The following WFDC3 variants were observed in gnomAD, a reference collection of about 807,000 sequenced individuals.
The protein encoded by WFDC3 is WAP four-disulfide core domain protein 3.
A neutral mutation model predicts 25.8 loss-of-function variants in WFDC3; 15 were observed. That is an observed-to-expected ratio of 0.58 (90% CI 0.39 to 0.89). WFDC3 has a LOEUF of 0.89. WFDC3 is among the 40% of genes least tolerant of loss of function. The probability of loss-of-function intolerance (pLI) is 0.00; values close to 1 mark genes in which losing one functional copy is unlikely to be tolerated. For synonymous variants in WFDC3, 103 were observed against 107.1 expected, an observed-to-expected ratio of 0.96 and a Z score of 0.24; for missense variants, 264 against 289.8, an observed-to-expected ratio of 0.91 and a Z score of 0.65.
In WFDC3 at chr20:45,789,018, C is replaced by A; in HGVS notation, c.124G>T (p.Glu42Ter). ...CACAATTCATCACCCTGGCACAGCTCTTTGCATGGGTTCTTATGGGGAGGG... is the reference window on the plus strand; with the variant it reads ...CACAATTCATCACCCTGGCACAGCTATTTGCATGGGTTCTTATGGGGAGGG... ...ECPPHKNPCKELCQGDELCPA... is the reference protein window; with the variant it reads ...ECPPHKNPCK Residue 42 changes from glutamate to a stop codon, truncating the protein, a stop_gained, in exon 3 of 7, where the codon GAG becomes TAG. Coordinates refer to ENST00000243938, the MANE Select transcript of WFDC3 (RefSeq NM_080614.2). LOFTEE classifies it high-confidence loss of function. 6.2e-7 allele frequency: 1 copy of A among 1,613,736 alleles called. No individual in the cohort carries two copies. Among genetic ancestry groups the A allele is most frequent in the Non-Finnish European group, 8.5e-7 (1 of 1,179,934 alleles).
chr20:45,778,774 T>C (rs1980306645), intron 4 of WFDC3: 2 of 151,944 alleles, frequency 1.3e-5, no homozygotes, highest in South Asian at 4.1e-4. Context: ...ACAACATGCA[T>C]ATGGTTCAAG....
chr20:45,775,384 C>T, intron 6 of WFDC3, 33 bp downstream of exon 6: 1 of 1,605,292 alleles, frequency 6.2e-7, no homozygotes, highest in Non-Finnish European at 8.5e-7. Flanking sequence ...TAGCAGTTGT[C>T]TGTTATTGTT....
At chr20:45,790,380 T>C (rs553474730) in intron 1 of WFDC3, among the ~76,000 whole-genome samples, 1 of 152,324 alleles carries the variant, frequency 6.6e-6, no homozygotes, top group South Asian at 2.1e-4. Context: ...CACTACTTAA[T>C]GGCCAAAGCT....
At chr20:45,777,249 T>C in intron 4 of WFDC3, 40 bp from the exon 5 acceptor site, 1 of 1,440,330 alleles carries the variant, frequency 6.9e-7, no homozygotes, top group Non-Finnish European at 9.1e-7. Flanking sequence ...ACGCTCACAA[T>C]ATGAAACACA....
intron 5 of WFDC3, among the ~76,000 whole-genome samples, chr20:45,776,342 T>A (rs1348372828): frequency 8.4e-6 from 1 of 119,668 alleles, no homozygotes; most frequent in Non-Finnish European, 1.8e-5. Flanking sequence ...GCGTGGTGGC[T>A]CACGCCTGTA....
intron 4 of WFDC3, among the ~76,000 whole-genome samples, chr20:45,783,459 T>C (rs954291762): frequency 1.3e-5 from 2 of 151,830 alleles, no homozygotes; most frequent in Admixed American, 6.6e-5. Flanking sequence ...GCCTGGGTGA[T>C]AGAGTGAGAC....
At chr20:45,782,580 G>C (rs969685998) in intron 4 of WFDC3, among the ~76,000 whole-genome samples, 1 of 152,048 alleles carries the variant, frequency 6.6e-6, no homozygotes, top group Non-Finnish European at 1.5e-5. Context: ...GTTTCACCAT[G>C]TTGGCCAGGC....
At chr20:45,777,863 C>T (rs1030523224) in intron 4 of WFDC3, among the ~76,000 whole-genome samples, 16 of 125,860 alleles carry the variant, frequency 1.3e-4, no homozygotes, top group African/African-American at 4.6e-4. Context: ...TTCCTAATTA[C>T]TAAATTGCTT....
intron 2 of WFDC3, among the ~76,000 whole-genome samples, chr20:45,789,669 T>C (rs1050065026): frequency 2.0e-5 from 3 of 152,154 alleles, no homozygotes; most frequent in Admixed American, 6.6e-5. Context: ...CTAGAACCTC[T>C]AGTAAGCCCA....
Position 45,774,942 on chromosome 20 carries a change from C to CA in WFDC3, c.679+474dup, listed in dbSNP as rs3080049. On this transcript the variant is annotated intron_variant, in intron 6 of 6. Transcript: ENST00000243938. ...GGGTGACAAGAGTGAAACTCCATCT[C>CA]AAAAAAAAAAAAAAAAAAACTGGAG... Among the ~76,000 whole-genome samples the CA allele has an allele frequency of 3.4e-3, 397 of 118,138 alleles. 5 individuals carry two copies. The highest frequency in any genetic ancestry group is 0.01 in the African/African-American group (317 of 30,742). 77.5% of individuals were successfully genotyped at this position (118,138 alleles called of 152,430 possible). A position where few individuals can be genotyped will look rare whatever the true frequency, so the allele number is the denominator to read the frequency against.
intron 4 of WFDC3, chr20:45,779,839 A>C (rs1026531613): frequency 1.3e-5 from 2 of 152,102 alleles, no homozygotes; most frequent in Non-Finnish European, 2.9e-5. Context: ...GGCATGGAGC[A>C]CTTACCTCTA....
rs531941277 is a variant in WFDC3, at chr20:45,774,285, C to G, written c.*143G>C. 1.8e-6 allele frequency: 2 copies of G among 1,138,414 alleles called. No individual in the cohort carries two copies. Among genetic ancestry groups the G allele is most frequent in the African/African-American group, 3.1e-5 (2 of 65,174 alleles). The allele number at this position is 1,138,414 out of a possible 1,614,324, so 70.5% of individuals were successfully genotyped here. ...CCAATCCAGGGCTATTTCCCATGCT[C>G]TGGTCAGCGGCAGGAGGAGAAGCAG... is the stretch of plus-strand genomic sequence containing the variant. On this transcript the variant is annotated 3_prime_UTR_variant, in exon 7 of 7. Transcript: ENST00000243938.
intron 4 of WFDC3, 120 bp from the exon 5 acceptor site, chr20:45,777,329 TTATGTG>T: frequency 9.2e-7 from 1 of 1,084,018 alleles, no homozygotes; most frequent in Non-Finnish European, 1.2e-6. Context: ...ATGTAAATAT[TTATGTG>T]TATCATGTAT....
At chr20:45,787,722 T>TC (rs1191873510) in intron 4 of WFDC3, 114 bp downstream of exon 4, 28 of 1,373,228 alleles carry the variant, frequency 2.0e-5, no homozygotes, top group Non-Finnish European at 2.4e-5. Context: ...ATCTTTTTTT[T>TC]TTAAGGTCTT....
intron 4 of WFDC3, chr20:45,779,823 A>G (rs1980358454): frequency 6.6e-6 from 1 of 152,172 alleles, no homozygotes; most frequent in African/African-American, 2.4e-5. Context: ...CTCGTCCTCA[A>G]GACCAGGCAT....
intron 4 of WFDC3, among the ~76,000 whole-genome samples, chr20:45,786,499 T>C (rs892142486): frequency 1.3e-5 from 2 of 152,254 alleles, no homozygotes; most frequent in African/African-American, 4.8e-5. Context: ...TATATTTATT[T>C]ACATGCTTAT....
At position 45,777,138 on chromosome 20, in the gene WFDC3, G is replaced by A. The variant is rs1317819264; in HGVS notation, c.430C>T (p.Pro144Ser). ...GTGCTGCAGCATTTATGCCCCTGGG[G>A]ACAGGATGCATCCCCATCACACAGC... Reference protein sequence around the residue: ...EELCDGDASCPQGHKCCSTGC... With the variant: ...EELCDGDASCSQGHKCCSTGC... The change falls in exon 5 of 7, where the codon CCC (proline) becomes TCC (serine). Residue 144 changes from proline (P) to serine (S), a missense_variant. Physicochemically the swap from Pro to Ser is moderately conservative, Grantham distance 74. Transcript: ENST00000243938. 6.2e-7 allele frequency: 1 copy of A among 1,610,772 alleles called. No individual in the cohort carries two copies. The highest frequency in any genetic ancestry group is 1.1e-5 in the South Asian group (1 of 90,736).
chr20:45,787,556 G>A (rs1024494951), intron 4 of WFDC3, among the ~76,000 whole-genome samples: 1 of 151,972 alleles, frequency 6.6e-6, no homozygotes, highest in African/African-American at 2.4e-5. Context: ...CTCCCAAAGT[G>A]CTGGGATTCC....
chr20:45,777,801 G>A (rs1218315327), intron 4 of WFDC3, among the ~76,000 whole-genome samples: 4 of 152,194 alleles, frequency 2.6e-5, no homozygotes, highest in South Asian at 2.1e-4. Flanking sequence ...GATTACAGGC[G>A]TGAGCCCCCC....
Sources: gnomAD v4.1 joint callset for allele counts (sites outside exome capture counted in the v4.1 genomes callset) on GRCh38, gnomAD v4.1.1 for gene constraint, MANE v1.5 for transcripts, NCBI Gene and HGNC (gene_info 2026-07-23, HGNC 2026-07-21) for gene names.